Variants in NALF1 observed in about 807,000 individuals in gnomAD.
NALF1 encodes the protein family with sequence similarity 155 member A.
A neutral mutation model predicts 48.4 loss-of-function variants in NALF1; 3 were observed. The observed-to-expected ratio is 0.06, with a 90% CI of 0.03 to 0.16. The LOEUF is 0.16. Among genes scored for constraint, NALF1 ranks in the 10% least tolerant of loss-of-function variants. The pLI is 1.00. For missense variants in NALF1, 526 were observed against 571.5 expected, an observed-to-expected ratio of 0.92 and a Z score of 0.81; for synonymous variants, 262 against 245.7, an observed-to-expected ratio of 1.07 and a Z score of -0.62.
At chr13:107,340,524 CT>C (rs199696880) in intron 1 of NALF1, among the ~76,000 whole-genome samples, 3,186 of 143,892 alleles carry the variant, frequency 0.022, 125 homozygotes, top group African/African-American at 0.071. Flanking sequence ...CTTTCTCTCT[CT>C]TTTTTTTTTT....
At chr13:107,537,065 C>A (rs564264265) in intron 1 of NALF1, among the ~76,000 whole-genome samples, 1 of 152,194 alleles carries the variant, frequency 6.6e-6, no homozygotes, top group South Asian at 2.1e-4. Context: ...GAACATCACA[C>A]ACCAGGGCCA....
chr13:107,699,149 G>A (rs1594213812), intron 1 of NALF1, among the ~76,000 whole-genome samples: 5 of 152,090 alleles, frequency 3.3e-5, no homozygotes, highest in Admixed American at 3.3e-4. Context: ...CAAGAATTAT[G>A]GTTAATATTT....
chr13:107,201,203 C>T (rs1879510683), intron 2 of NALF1, among the ~76,000 whole-genome samples: 1 of 151,874 alleles, frequency 6.6e-6, no homozygotes, highest in South Asian at 2.1e-4. Context: ...ATCTACCCAT[C>T]CATAAGTTGA....
Position 107,272,200 on chromosome 13 carries a change from T to A in NALF1, c.916-61445A>T, listed in dbSNP as rs1319513909. ...CAAAATAAGCAGACCTTAGAATTTT[T>A]TTTTTTTTTTTTTTTTTTTTTTTTT... is the stretch of plus-strand genomic sequence containing the variant. On this transcript the variant is annotated intron_variant, in intron 1 of 2. Coordinates refer to ENST00000375915, the MANE Select transcript of NALF1 (RefSeq NM_001080396.3). 7.4e-5 allele frequency among the ~76,000 whole-genome samples: 2 copies of A among 27,086 alleles called. 1 individual carries two copies. The highest frequency in any genetic ancestry group is 1.8e-4 in the African/African-American group (2 of 11,230). The allele number at this position is 27,086 out of a possible 152,430, so 17.8% of individuals were successfully genotyped here.
At chr13:107,239,929 G>A (rs1277522984) in intron 1 of NALF1, among the ~76,000 whole-genome samples, 2 of 152,176 alleles carry the variant, frequency 1.3e-5, no homozygotes, top group African/African-American at 2.4e-5. Flanking sequence ...TCCACCACAA[G>A]GGCATCATGG....
At chr13:107,686,671 C>G (rs2138500733) in intron 1 of NALF1, among the ~76,000 whole-genome samples, 1 of 152,268 alleles carries the variant, frequency 6.6e-6, no homozygotes, top group South Asian at 2.1e-4. Flanking sequence ...CCAAAGAAGA[C>G]ATACAACGGC....
chr13:107,461,357 G>A (rs1884915723), intron 1 of NALF1, among the ~76,000 whole-genome samples: 1 of 152,088 alleles, frequency 6.6e-6, no homozygotes, highest in Non-Finnish European at 1.5e-5. Flanking sequence ...ATGAAATCGT[G>A]CTATGATTTG....
At chr13:107,772,096 C>G (rs771183868) in intron 1 of NALF1, among the ~76,000 whole-genome samples, 16 of 151,978 alleles carry the variant, frequency 1.1e-4, no homozygotes, top group Non-Finnish European at 2.1e-4. Context: ...GAAAATTAAT[C>G]CTCTATCACA....
chr13:107,474,748 A>G (rs1437545076), intron 1 of NALF1, among the ~76,000 whole-genome samples: 1 of 152,226 alleles, frequency 6.6e-6, no homozygotes, highest in Non-Finnish European at 1.5e-5. Flanking sequence ...GGGTAGAGAC[A>G]GATCCTACCA....
At chr13:107,396,987 C>G (rs948875600) in intron 1 of NALF1, among the ~76,000 whole-genome samples, 1 of 152,126 alleles carries the variant, frequency 6.6e-6, no homozygotes, top group Non-Finnish European at 1.5e-5. Context: ...ATGGCAGAGG[C>G]CAAAGGAAGC....
intron 1 of NALF1, among the ~76,000 whole-genome samples, chr13:107,329,356 C>T (rs1242731240): frequency 2.0e-5 from 3 of 152,126 alleles, no homozygotes; most frequent in East Asian, 3.9e-4. Flanking sequence ...GAAAGGAGCA[C>T]TCTACCTAAG....
At chr13:107,346,824 TC>T (rs1882781858) in intron 1 of NALF1, among the ~76,000 whole-genome samples, 1 of 152,218 alleles carries the variant, frequency 6.6e-6, no homozygotes, top group Non-Finnish European at 1.5e-5. Context: ...ATGAGGACAA[TC>T]TAAATTATTA....
intron 1 of NALF1, among the ~76,000 whole-genome samples, chr13:107,604,069 GC>G (rs1341299461): frequency 2.6e-5 from 4 of 152,098 alleles, no homozygotes; most frequent in Admixed American, 2.0e-4. Context: ...GATTCATGTA[GC>G]TAAAATATGT....
At chr13:107,516,535 T>G (rs188544947) in intron 1 of NALF1, among the ~76,000 whole-genome samples, 1 of 152,190 alleles carries the variant, frequency 6.6e-6, no homozygotes, top group Non-Finnish European at 1.5e-5. Flanking sequence ...TTTCACGACA[T>G]TGCCAGCCTT....
chr13:107,716,886 C>T (rs1028007810), intron 1 of NALF1, among the ~76,000 whole-genome samples: 6 of 151,984 alleles, frequency 3.9e-5, no homozygotes, highest in South Asian at 2.1e-4. Flanking sequence ...ATTTTGATGG[C>T]GGGGTTTCCG....
At chr13:107,384,786 C>T in intron 1 of NALF1, among the ~76,000 whole-genome samples, 1 of 152,106 alleles carries the variant, frequency 6.6e-6, no homozygotes, top group South Asian at 2.1e-4. Context: ...TGTCTTTATC[C>T]ATCTGATACA....
At chr13:107,588,992 TA>T (rs1878531646) in intron 1 of NALF1, among the ~76,000 whole-genome samples, 1 of 152,108 alleles carries the variant, frequency 6.6e-6, no homozygotes, top group African/African-American at 2.4e-5. Context: ...CAATCCATTT[TA>T]ATTGAAAGTT....
At chr13:107,394,574 C>T (rs1883680001) in intron 1 of NALF1, among the ~76,000 whole-genome samples, 1 of 152,068 alleles carries the variant, frequency 6.6e-6, no homozygotes. Flanking sequence ...CTGCATAGTC[C>T]AATTTCATCA....
chr13:107,330,746 C>T (rs567294398), intron 1 of NALF1, among the ~76,000 whole-genome samples: 1 of 152,186 alleles, frequency 6.6e-6, no homozygotes. Flanking sequence ...AACAGCTGAA[C>T]TGCATATTTC....
Sources: gnomAD v4.1 joint callset for allele counts (sites outside exome capture counted in the v4.1 genomes callset) on GRCh38, gnomAD v4.1.1 for gene constraint, MANE v1.5 for transcripts, NCBI Gene and HGNC (gene_info 2026-07-23, HGNC 2026-07-21) for gene names.